Variants in OLFML1 observed in about 807,000 individuals in gnomAD.
The protein encoded by OLFML1 is olfactomedin-like protein 1.
In OLFML1, 33 loss-of-function variants were observed where a neutral mutation model predicts 37.3. That is an observed-to-expected ratio of 0.88 (90% confidence interval 0.67 to 1.18). The LOEUF is 1.18. OLFML1 is among the 50% of genes most tolerant of loss of function. The pLI, the probability that OLFML1 is intolerant of heterozygous loss-of-function variation, is 0.00. For missense variants in OLFML1, 545 were observed against 483.7 expected (o/e 1.13, Z -1.19); for synonymous variants, 186 against 181.3 (o/e 1.03, Z -0.21).
intron 2 of OLFML1, among the ~76,000 whole-genome samples, chr11:7,509,035 T>A (rs924883454): frequency 2.0e-5 from 3 of 152,236 alleles, no homozygotes. Flanking sequence ...ATTTATTTAT[T>A]CTTTCATTCG....
At chr11:7,509,299 C>T (rs1289942374) in intron 2 of OLFML1, 99 bp from the exon 3 acceptor site, 1 of 866,640 alleles carries the variant, frequency 1.2e-6, no homozygotes, top group African/African-American at 1.7e-5. Context: ...CAGTATTAGA[C>T]CTGAAAGGAA....
At chr11:7,491,805 G>A (rs1408249244) in intron 2 of OLFML1, among the ~76,000 whole-genome samples, 3 of 114,864 alleles carry the variant, frequency 2.6e-5, no homozygotes, top group African/African-American at 1.1e-4. Context: ...GGGACCCTCA[G>A]CTCCTACAGC....
Position 7,511,162 on chromosome 11 carries a change from C to T in OLFML1, c.*974C>T, listed in dbSNP as rs1848856187. 6.6e-6 allele frequency: 1 copy of T among 152,226 alleles called. No homozygotes were observed. The highest frequency in any genetic ancestry group is 6.5e-5 in the Admixed American group (1 of 15,286). 9.4% of individuals were successfully genotyped at this position (152,226 alleles called of 1,614,324 possible). A position where few individuals can be genotyped will look rare whatever the true frequency, so the allele number is the denominator to read the frequency against. On this transcript the variant is annotated 3_prime_UTR_variant, in exon 3 of 3. Coordinates refer to ENST00000329293, the MANE Select transcript of OLFML1 (RefSeq NM_198474.4). Reference sequence around the variant, plus strand: ...TTTCAGCCTAAAAATAATAGTCTGTCCCTTTAGCCAGTTTTCATGTCTGCA... The same window carrying T: ...TTTCAGCCTAAAAATAATAGTCTGTTCCTTTAGCCAGTTTTCATGTCTGCA...
chr11:7,490,063 CA>C (rs1848576302), intron 2 of OLFML1, among the ~76,000 whole-genome samples: 1 of 130,822 alleles, frequency 7.6e-6, no homozygotes, highest in African/African-American at 3.0e-5. Context: ...AGTAATTAAA[CA>C]ATTAAAACAA....
chr11:7,486,045 C>G, intron 1 of OLFML1, 41 bp downstream of exon 1: 2 of 1,586,084 alleles, frequency 1.3e-6, no homozygotes, highest in Non-Finnish European at 1.7e-6. Context: ...AACAGGCTTC[C>G]CAGAAGTACC....
chr11:7,507,839 G>A (rs1051994023), intron 2 of OLFML1, among the ~76,000 whole-genome samples: 6 of 152,164 alleles, frequency 3.9e-5, no homozygotes, highest in East Asian at 1.9e-4. Context: ...GAGCCACCAC[G>A]CCCAGCCTAT....
intron 2 of OLFML1, among the ~76,000 whole-genome samples, chr11:7,499,359 A>T (rs1020145517): frequency 3.3e-5 from 5 of 152,242 alleles, no homozygotes; most frequent in Non-Finnish European, 1.5e-5. Context: ...TTTATTTCCC[A>T]TCCTTCCTCA....
chr11:7,509,427 T>A lies in OLFML1; in HGVS notation c.448T>A (p.Ser150Thr), dbSNP rs756534466. The change falls in exon 3 of 3, where the codon TCT becomes ACT. Residue 150 changes from serine to threonine, a missense_variant. Physicochemically the swap from Ser to Thr is moderately conservative, Grantham distance 58. Coordinates refer to ENST00000329293, the MANE Select transcript of OLFML1 (RefSeq NM_198474.4). The part of the protein sequence containing the change: ...SCDNMLMGIK[S>T]LKIVKKMMDT... ...TGACAACATGCTGATGGGCATAAAG[T>A]CTTTGAAAATAGTGAAGAAGATGAT... 1 of 1,613,024 alleles carries A rather than the reference T, an allele frequency of 6.2e-7. No individual in the cohort carries two copies. Among genetic ancestry groups the A allele is most frequent in the East Asian group, 2.2e-5 (1 of 44,854 alleles).
Position 7,509,908 on chromosome 11 carries a change from C to A in OLFML1, c.929C>A (p.Thr310Asn), listed in dbSNP as rs781081015. 2.5e-6 allele frequency: 4 copies of A among 1,614,216 alleles called. No homozygotes were observed. Among genetic ancestry groups the A allele is most frequent in the Admixed American group, 1.7e-5 (1 of 60,030 alleles). The change falls in exon 3 of 3, where the codon ACC (threonine) becomes AAC (asparagine). Residue 310 changes from threonine to asparagine, a missense_variant. Thr to Asn is a moderately conservative substitution (Grantham distance 65, BLOSUM62 0). Transcript: ENST00000329293. ...GTLGVEHSWD[T>N]PCRSQDAEAS... ...CTGGGAGTGGAGCATTCATGGGATA[C>A]CCCATGCAGAAGCCAGGATGCTGAA... is the stretch of plus-strand genomic sequence containing the variant.
chr11:7,506,973 G>C (rs769793320), intron 2 of OLFML1, among the ~76,000 whole-genome samples: 1 of 152,182 alleles, frequency 6.6e-6, no homozygotes, highest in Non-Finnish European at 1.5e-5. Flanking sequence ...GGGAGATTCA[G>C]AGTATAACCC....
At chr11:7,490,026 G>T (rs1848576113) in intron 2 of OLFML1, among the ~76,000 whole-genome samples, 1 of 150,460 alleles carries the variant, frequency 6.6e-6, no homozygotes, top group East Asian at 1.9e-4. Flanking sequence ...CCTAGAATGG[G>T]GTCTATTCAA....
chr11:7,489,173 G>A (rs1311243741), intron 2 of OLFML1, among the ~76,000 whole-genome samples: 1 of 152,120 alleles, frequency 6.6e-6, no homozygotes, highest in Non-Finnish European at 1.5e-5. Flanking sequence ...CCTCCATCAG[G>A]GAAATGACAT....
At chr11:7,505,721 C>T (rs1848776740) in intron 2 of OLFML1, among the ~76,000 whole-genome samples, 1 of 152,192 alleles carries the variant, frequency 6.6e-6, no homozygotes. Flanking sequence ...GTACCAGCTA[C>T]TCAGGAGGAG....
intron 2 of OLFML1, among the ~76,000 whole-genome samples, chr11:7,503,449 G>A (rs1178305408): frequency 6.6e-6 from 1 of 152,220 alleles, no homozygotes. Flanking sequence ...AAGTTGATAA[G>A]GATGAATCCT....
intron 1 of OLFML1, 29 bp from the exon 2 acceptor site, chr11:7,488,098 T>A (rs754814986): frequency 1.3e-6 from 2 of 1,557,160 alleles, no homozygotes; most frequent in South Asian, 2.3e-5. Context: ...TAACAAGCAA[T>A]AATTTGCAAA....
intron 2 of OLFML1, among the ~76,000 whole-genome samples, chr11:7,505,813 A>G (rs1017763213): frequency 6.7e-6 from 1 of 149,160 alleles, no homozygotes; most frequent in Non-Finnish European, 1.5e-5. Context: ...CCTGTCTAAT[A>G]GAGTAAAAAC....
chr11:7,487,547 T>C (rs1051126162), intron 1 of OLFML1, among the ~76,000 whole-genome samples: 3 of 152,246 alleles, frequency 2.0e-5, no homozygotes, highest in East Asian at 3.8e-4. Context: ...ATTTATTGAA[T>C]AGTATTATGT....
intron 2 of OLFML1, 99 bp downstream of exon 2, chr11:7,488,514 T>A: frequency 1.0e-6 from 1 of 963,126 alleles, no homozygotes; most frequent in Non-Finnish European, 1.5e-6. Flanking sequence ...GTAATGAGAG[T>A]AAGAATTGGA....
At chr11:7,498,299 G>A (rs977094449) in intron 2 of OLFML1, among the ~76,000 whole-genome samples, 9 of 152,208 alleles carry the variant, frequency 5.9e-5, no homozygotes, top group African/African-American at 2.2e-4. Flanking sequence ...TAATGAGCAG[G>A]TGTATCCCGA....
Sources: allele counts gnomAD v4.1 joint callset (sites outside exome capture counted in the v4.1 genomes callset), GRCh38; gene constraint gnomAD v4.1.1; transcripts MANE v1.5; gene names NCBI Gene and HGNC (gene_info 2026-07-23, HGNC 2026-07-21).